Variants in LRP6 observed in about 807,000 individuals in gnomAD.
LRP6 encodes the protein LDL receptor related protein 6, also known as low-density lipoprotein receptor-related protein 6.
A neutral mutation model predicts 184.1 loss-of-function variants in LRP6; 43 were observed. The observed-to-expected ratio is 0.23, with a 90% CI of 0.18 to 0.30. LRP6 has a LOEUF of 0.30. Among genes scored for constraint, LRP6 ranks in the 10% least tolerant of loss-of-function variants. LRP6 has a pLI of 1.00. For synonymous variants in LRP6, 719 were observed against 684.9 expected (o/e 1.05, Z -0.78); for missense variants, 1,571 against 2,005.3 (o/e 0.78, Z 4.14).
At chr12:12,210,536 CAAA>C (rs1285749619) in intron 2 of LRP6, among the ~76,000 whole-genome samples, 13 of 152,098 alleles carry the variant, frequency 8.5e-5, no homozygotes. Flanking sequence ...TATTAACAGT[CAAA>C]GAAGTTGGTC....
chr12:12,190,391 T>TG (rs1249372149), intron 3 of LRP6, among the ~76,000 whole-genome samples: 1 of 152,168 alleles, frequency 6.6e-6, no homozygotes, highest in Non-Finnish European at 1.5e-5. Flanking sequence ...ATCACCAAAC[T>TG]GGGGACCACA....
chr12:12,191,263 G>A (rs973328103), intron 3 of LRP6, among the ~76,000 whole-genome samples: 1 of 152,152 alleles, frequency 6.6e-6, no homozygotes, highest in African/African-American at 2.4e-5. Flanking sequence ...CAGACAAAGC[G>A]TCATACTGAA....
chr12:12,255,332 T>C (rs1361117637), intron 1 of LRP6, among the ~76,000 whole-genome samples: 2 of 151,822 alleles, frequency 1.3e-5, no homozygotes, highest in Non-Finnish European at 2.9e-5. Flanking sequence ...TCCAGTTAAA[T>C]AGTCCTGGTC....
At chr12:12,170,842 GA>G (rs770181055) in intron 7 of LRP6, among the ~76,000 whole-genome samples, 4 of 145,618 alleles carry the variant, frequency 2.7e-5, no homozygotes, top group Admixed American at 6.9e-5. Flanking sequence ...CGTCTTAGAT[GA>G]AAAAAACTAC....
intron 3 of LRP6, among the ~76,000 whole-genome samples, chr12:12,202,004 A>G (rs115987842): frequency 5.3e-5 from 8 of 152,380 alleles, no homozygotes; most frequent in African/African-American, 1.9e-4. Context: ...AAAATCCTAC[A>G]GTCACCAAAA....
Position 12,119,128 on chromosome 12 carries a change from G to A in LRP6, c.*1998C>T, listed in dbSNP as rs1236264226. The A allele has an allele frequency of 6.6e-6, 1 of 152,166 alleles. No individual in the cohort carries two copies. The highest frequency in any genetic ancestry group is 1.5e-5 in the Non-Finnish European group (1 of 68,034). 9.4% of individuals were successfully genotyped at this position (152,166 alleles called of 1,614,324 possible). ...GCTTGTCTGTTTTAGGATTCTGATA[G>A]ATTTACCATTTGCTTATATGCAAAA... is the stretch of plus-strand genomic sequence containing the variant. On this transcript the variant is annotated 3_prime_UTR_variant, in exon 23 of 23. Transcript: ENST00000261349.
chr12:12,187,304 G>T, intron 3 of LRP6, 185 bp from the exon 4 acceptor site: 1 of 620,366 alleles, frequency 1.6e-6, no homozygotes, highest in Non-Finnish European at 2.8e-6. Context: ...ATATTTTTAA[G>T]GTGTCCAAAA....
chr12:12,189,799 C>T (rs945297695), intron 3 of LRP6, among the ~76,000 whole-genome samples: 1 of 152,188 alleles, frequency 6.6e-6, no homozygotes, highest in African/African-American at 2.4e-5. Context: ...CCGAGCCCGG[C>T]CTTAACACTA....
chr12:12,180,900 T>C (rs1863328129), intron 6 of LRP6, 143 bp downstream of exon 6: 1 of 840,354 alleles, frequency 1.2e-6, no homozygotes, highest in Admixed American at 2.3e-5. Flanking sequence ...TGTATTCTAA[T>C]CACCATATCC....
chr12:12,245,915 T>G (rs116946061), intron 1 of LRP6, among the ~76,000 whole-genome samples: 6,250 of 151,848 alleles, frequency 0.041, 178 homozygotes, highest in Middle Eastern at 0.16. Context: ...CATAACACAG[T>G]ACCACCAGTC....
intron 12 of LRP6, among the ~76,000 whole-genome samples, chr12:12,157,302 G>A (rs545616345): frequency 6.6e-6 from 1 of 151,630 alleles, no homozygotes; most frequent in South Asian, 2.1e-4. Context: ...CATACATCTC[G>A]AATCCATCAA....
intron 2 of LRP6, among the ~76,000 whole-genome samples, chr12:12,242,557 C>T (rs764867441): frequency 6.6e-6 from 1 of 152,224 alleles, no homozygotes; most frequent in African/African-American, 2.4e-5. Flanking sequence ...CTGAGCCTTA[C>T]AAACTCTGTT....
chr12:12,124,417 G>C (rs1298224830), intron 22 of LRP6, 148 bp downstream of exon 22: 20 of 655,120 alleles, frequency 3.1e-5, no homozygotes, highest in Admixed American at 5.3e-5. Context: ...GAAAGGATTT[G>C]TGGTAGAGGC....
At chr12:12,156,361 T>C (rs1862579175) in intron 12 of LRP6, among the ~76,000 whole-genome samples, 1 of 152,090 alleles carries the variant, frequency 6.6e-6, no homozygotes, top group African/African-American at 2.4e-5. Context: ...ACGAGGCCAG[T>C]GTGGCTGTAA....
At chr12:12,197,390 C>T (rs1170654565) in intron 3 of LRP6, among the ~76,000 whole-genome samples, 1 of 152,222 alleles carries the variant, frequency 6.6e-6, no homozygotes, top group Non-Finnish European at 1.5e-5. Flanking sequence ...AATTTGGGTG[C>T]TACAGAAGTT....
chr12:12,127,017 A>T (rs1949681995), intron 19 of LRP6, 96 bp from the exon 20 acceptor site: 1 of 991,872 alleles, frequency 1.0e-6, no homozygotes, highest in Admixed American at 1.9e-5. Flanking sequence ...ATGTGAAGCT[A>T]TAAGCCTAAT....
intron 2 of LRP6, among the ~76,000 whole-genome samples, chr12:12,225,721 A>C (rs1247189420): frequency 6.6e-6 from 1 of 151,850 alleles, no homozygotes; most frequent in Non-Finnish European, 1.5e-5. Flanking sequence ...AAAATACAAA[A>C]ATTAGCTGGG....
Position 12,131,975 on chromosome 12 carries a change from C to G in LRP6, c.3816G>C (p.Gly1272=). Residue 1272 remains glycine, a synonymous_variant, in exon 18 of 23, where the codon GGG becomes GGC. Transcript: ENST00000261349. ...DCIPVAWRCD[G]FTECEDHSDE... is the part of the protein sequence containing the mutation. ...CACTGTGGTCTTCACATTCAGTAAA[C>G]CCATCGCACCGCCAAGCCACAGGGA... The G allele has an allele frequency of 6.2e-7, 1 of 1,614,060 alleles. No individual in the cohort carries two copies. Among genetic ancestry groups the G allele is most frequent in the Non-Finnish European group, 8.5e-7 (1 of 1,180,014 alleles).
intron 2 of LRP6, 126 bp from the exon 3 acceptor site, chr12:12,203,526 G>A (rs1378275268): frequency 2.6e-6 from 2 of 757,304 alleles, no homozygotes; most frequent in African/African-American, 3.5e-5. Context: ...CAGCACTCTG[G>A]GAGGCTGAGG....
Sources: gnomAD v4.1 joint callset for allele counts (sites outside exome capture counted in the v4.1 genomes callset) on GRCh38, gnomAD v4.1.1 for gene constraint, MANE v1.5 for transcripts, NCBI Gene and HGNC (gene_info 2026-07-23, HGNC 2026-07-21) for gene names.